The following RHOA variants were observed in gnomAD, a reference collection of about 807,000 sequenced individuals.
The protein encoded by RHOA is transforming protein RhoA.
RHOA carries 3 observed loss-of-function variants against 17.5 expected under a neutral mutation model. The ratio of observed to expected loss-of-function variants is 0.17; its 90% CI spans 0.08 to 0.44. The LOEUF is 0.44. Among genes scored for constraint, RHOA ranks in the 20% least tolerant of loss-of-function variants. The pLI, the probability that RHOA is intolerant of heterozygous loss-of-function variation, is 0.99. For missense variants in RHOA, 56 were observed against 242.3 expected, an observed-to-expected ratio of 0.23 and a Z score of 5.10; for synonymous variants, 98 against 88.4, an observed-to-expected ratio of 1.11 and a Z score of -0.61.
intron 1 of RHOA, among the ~76,000 whole-genome samples, chr3:49,393,674 C>CTGTGTGTGTG (rs200446484): frequency 5.5e-3 from 24 of 4,346 alleles, no homozygotes; most frequent in Admixed American, 0.017. Context: ...CAAATTCTCT[C>CTGTGTGTGTG]TCTGTGTGTG....
intron 1 of RHOA, among the ~76,000 whole-genome samples, chr3:49,407,232 G>GTTTTTTTTTTTTTTTTTTTTTTTTTTTTT (rs61556875): frequency 1.4e-5 from 1 of 70,020 alleles, no homozygotes; most frequent in Non-Finnish European, 2.5e-5. Flanking sequence ...AATCCTTTCC[G>GTTTTTTTTTTTTTTTTTTTTTTTTTTTTT]TTTTTTTTTT....
intron 1 of RHOA, among the ~76,000 whole-genome samples, chr3:49,388,174 AT>A (rs1195736030): frequency 6.7e-6 from 1 of 150,288 alleles, no homozygotes; most frequent in Non-Finnish European, 1.5e-5. Flanking sequence ...TCCCGACTAA[AT>A]TTTTTTCTAT....
intron 4 of RHOA, 152 bp downstream of exon 4, chr3:49,362,344 G>A (rs2047986131): frequency 1.4e-6 from 1 of 692,784 alleles, no homozygotes. Context: ...CTTCTGTGAA[G>A]ATCCCAATTA....
chr3:49,390,853 C>T (rs1439798969), intron 1 of RHOA, among the ~76,000 whole-genome samples: 8 of 151,902 alleles, frequency 5.3e-5, no homozygotes, highest in Non-Finnish European at 2.9e-5. Context: ...GAAGCTGAGG[C>T]GGGCAGATTA....
rs1180385765 is a variant in RHOA, at chr3:49,380,282, T to G, written c.-2-4691A>C. Among the ~76,000 whole-genome samples the G allele has an allele frequency of 2.0e-5, 3 of 152,166 alleles. No homozygotes were observed. In the South Asian group the frequency reaches 6.2e-4, roughly 32 times the overall value. On this transcript the variant is annotated intron_variant, in intron 1 of 4. Transcript: ENST00000418115. ...AAGGAGCCTGGATCTCAGGTGATCTTGGGAGCCACCATCTCAGCCCCAAGA... is the reference window on the plus strand; with the variant it reads ...AAGGAGCCTGGATCTCAGGTGATCTGGGGAGCCACCATCTCAGCCCCAAGA...
intron 1 of RHOA, among the ~76,000 whole-genome samples, chr3:49,393,185 T>G (rs1203047328): frequency 6.6e-6 from 1 of 151,882 alleles, no homozygotes; most frequent in Non-Finnish European, 1.5e-5. Context: ...AATAAAAAAA[T>G]CAGGTATTTT....
intron 2 of RHOA, among the ~76,000 whole-genome samples, chr3:49,371,318 C>T (rs1467040683): frequency 6.7e-6 from 1 of 148,884 alleles, no homozygotes; most frequent in African/African-American, 2.5e-5. Context: ...TCGCCCTTGT[C>T]GCCCAGGCTT....
chr3:49,384,013 G>C (rs2048358519), intron 1 of RHOA, among the ~76,000 whole-genome samples: 1 of 152,192 alleles, frequency 6.6e-6, no homozygotes, highest in African/African-American at 2.4e-5. Context: ...CTGGGCGGCA[G>C]AGTGAGACTG....
chr3:49,402,249 T>C (rs138789784), intron 1 of RHOA, among the ~76,000 whole-genome samples: 394 of 152,304 alleles, frequency 2.6e-3, no homozygotes, highest in Non-Finnish European at 4.2e-3. Context: ...CAAACTTACA[T>C]TGCCTCTAAG....
At chr3:49,387,182 C>T (rs1482801964) in intron 1 of RHOA, among the ~76,000 whole-genome samples, 2 of 138,508 alleles carry the variant, frequency 1.4e-5, no homozygotes, top group Non-Finnish European at 3.1e-5. Flanking sequence ...TGGTGGCTCA[C>T]ACCTGTAATC....
chr3:49,368,148 G>A (rs1337752873), intron 3 of RHOA, among the ~76,000 whole-genome samples: 1 of 152,024 alleles, frequency 6.6e-6, no homozygotes, highest in East Asian at 1.9e-4. Context: ...CTGACCCTCA[G>A]GTGATCCACC....
At chr3:49,375,771 A>G (rs768526586) in intron 1 of RHOA, among the ~76,000 whole-genome samples, 180 bp from the exon 2 acceptor site, 1 of 152,188 alleles carries the variant, frequency 6.6e-6, no homozygotes, top group Non-Finnish European at 1.5e-5. Context: ...CGTAACTAAC[A>G]TTATACTTAA....
chr3:49,391,823 C>CTTTTTT (rs59591685), intron 1 of RHOA, among the ~76,000 whole-genome samples: 4 of 99,672 alleles, frequency 4.0e-5, no homozygotes, highest in African/African-American at 4.0e-5. Flanking sequence ...ATTAATTTAT[C>CTTTTTT]TTTTTTTTTT....
intron 1 of RHOA, among the ~76,000 whole-genome samples, chr3:49,383,800 T>C (rs886296545): frequency 5.9e-5 from 9 of 152,042 alleles, no homozygotes; most frequent in Non-Finnish European, 1.2e-4. Flanking sequence ...GAGGCTGAGG[T>C]AGGCGGATCA....
intron 1 of RHOA, among the ~76,000 whole-genome samples, chr3:49,382,270 G>GA (rs1422962441): frequency 6.6e-6 from 1 of 151,988 alleles, no homozygotes; most frequent in East Asian, 1.9e-4. Context: ...AGTGAGCTAA[G>GA]ATCGTGCCAC....
intron 3 of RHOA, among the ~76,000 whole-genome samples, chr3:49,367,368 A>G (rs1160420371): frequency 6.7e-6 from 1 of 148,712 alleles, no homozygotes; most frequent in Non-Finnish European, 1.5e-5. Flanking sequence ...AAAAAAAAAG[A>G]ATACTGACTT....
At chr3:49,388,952 G>C (rs1404914047) in intron 1 of RHOA, among the ~76,000 whole-genome samples, 1 of 152,134 alleles carries the variant, frequency 6.6e-6, no homozygotes, top group Non-Finnish European at 1.5e-5. Context: ...GATGAATCTT[G>C]AAAATACTAT....
At chr3:49,392,143 A>T (rs2048522812) in intron 1 of RHOA, among the ~76,000 whole-genome samples, 1 of 151,924 alleles carries the variant, frequency 6.6e-6, no homozygotes, top group African/African-American at 2.4e-5. Context: ...ATTTATCTTT[A>T]AAAAAACAAA....
chr3:49,380,321 A>G (rs968575758), intron 1 of RHOA, among the ~76,000 whole-genome samples: 1 of 152,154 alleles, frequency 6.6e-6, no homozygotes, highest in Non-Finnish European at 1.5e-5. Flanking sequence ...CCTACCTTCC[A>G]TGTTTCTTCC....
Sources: allele counts gnomAD v4.1 joint callset (sites outside exome capture counted in the v4.1 genomes callset), GRCh38; gene constraint gnomAD v4.1.1; transcripts MANE v1.5; gene names NCBI Gene and HGNC (gene_info 2026-07-23, HGNC 2026-07-21).